Variants in LRP4 observed in about 807,000 individuals in gnomAD.
The protein encoded by LRP4 is LDL receptor related protein 4.
In LRP4, 95 loss-of-function variants were observed where a neutral mutation model predicts 220.3. The ratio of observed to expected loss-of-function variants is 0.43; its 90% CI spans 0.37 to 0.51. LRP4 has a LOEUF of 0.51. LRP4 is among the 20% of genes least tolerant of loss of function. The pLI is 0.00. For missense variants in LRP4, 1,925 were observed against 2,567.0 expected (o/e 0.75, Z 5.40); for synonymous variants, 903 against 954.6 (o/e 0.95, Z 1.00).
intron 31 of LRP4, among the ~76,000 whole-genome samples, chr11:46,870,420 C>A (rs1391154856): frequency 1.3e-5 from 2 of 152,100 alleles, no homozygotes; most frequent in Admixed American, 1.3e-4. Context: ...CTTTCTGTCT[C>A]TCTTTCTCTG....
intron 1 of LRP4, among the ~76,000 whole-genome samples, chr11:46,909,731 TTGAA>T (rs369210630): frequency 1.3e-5 from 2 of 150,132 alleles, no homozygotes; most frequent in African/African-American, 2.5e-5. Context: ...TACAAGTTCG[TTGAA>T]TGAATGAATG....
intron 18 of LRP4, among the ~76,000 whole-genome samples, chr11:46,885,566 G>A (rs1941269474): frequency 6.6e-6 from 1 of 152,140 alleles, no homozygotes; most frequent in Non-Finnish European, 1.5e-5. Flanking sequence ...CAGGTCAGGA[G>A]ATCAAGACCA....
chr11:46,909,359 C>G (rs1361118599), intron 1 of LRP4, among the ~76,000 whole-genome samples: 2 of 149,044 alleles, frequency 1.3e-5, no homozygotes, highest in African/African-American at 5.0e-5. Flanking sequence ...GTAATCCCAG[C>G]ACTTTGGGAG....
chr11:46,915,161 C>T (rs1941928941), intron 1 of LRP4, among the ~76,000 whole-genome samples: 1 of 152,154 alleles, frequency 6.6e-6, no homozygotes. Flanking sequence ...TTCACAAGCC[C>T]AACAGATCAG....
In LRP4 at chr11:46,862,624, C is replaced by G; in HGVS notation, c.5367G>C (p.Gln1789His). 6.2e-7 allele frequency: 1 copy of G among 1,614,138 alleles called. No individual in the cohort carries two copies. The highest frequency in any genetic ancestry group is 1.7e-5 in the Admixed American group (1 of 60,020). Residue 1789 changes from glutamine (Q) to histidine (H), a missense_variant, in exon 37 of 38, where the codon CAG (glutamine) becomes CAC (histidine). By Grantham distance (24) the Gln-to-His change is conservative (BLOSUM62 0). Around this residue, in one of 3 missense-constraint regions of LRP4, gnomAD observed 1,244 missense variants for 1,624.9 expected, o/e 0.77. Coordinates refer to ENST00000378623, the MANE Select transcript of LRP4 (RefSeq NM_002334.4). ...EAIPKPAMYNQLCYKKEGGPD... is the reference protein window; with the variant it reads ...EAIPKPAMYNHLCYKKEGGPD... ...TTTTTACCTCTTTCTTATAGCACAG[C>G]TGGTTGTACATGGCTGGTTTGGGGA...
chr11:46,914,864 A>G (rs1257798291), intron 1 of LRP4, among the ~76,000 whole-genome samples: 1 of 152,078 alleles, frequency 6.6e-6, no homozygotes, highest in Admixed American at 6.6e-5. Flanking sequence ...TTAAAGGGGC[A>G]GCAACATAAA....
At position 46,873,103 on chromosome 11, in the gene LRP4, C is replaced by T. The variant is rs752582587; in HGVS notation, c.4580G>A (p.Arg1527His). 21 of 1,614,088 alleles carry T rather than the reference C, an allele frequency of 1.3e-5. No homozygotes were observed. The highest frequency in any genetic ancestry group is 8.8e-5 in the South Asian group (8 of 91,084). Residue 1527 changes from arginine to histidine, a missense_variant, in exon 30 of 38, where the codon CGC (arginine) becomes CAC (histidine). By Grantham distance (29) the Arg-to-His change is conservative. Around this residue, in one of 3 missense-constraint regions of LRP4, gnomAD observed 1,244 missense variants for 1,624.9 expected, o/e 0.77. Transcript: ENST00000378623. The surrounding 1 kb of genome is among the most constrained non-coding windows in gnomAD (Gnocchi z 4.2). ...CTGTTTGATGCAAGACTCCCACCTG[C>T]GGGTATCATAGTCCAGGGTAAGGCC... The part of the protein sequence containing the change: ...PNGLTLDYDT[R>H]RIYWVDAHLD...
chr11:46,913,628 G>A (rs972026215), intron 1 of LRP4, among the ~76,000 whole-genome samples: 3 of 152,038 alleles, frequency 2.0e-5, no homozygotes, highest in African/African-American at 7.2e-5. Flanking sequence ...TGGGAGGGAG[G>A]GCTTGGAATT....
At chr11:46,911,533 G>A (rs1941858160) in intron 1 of LRP4, among the ~76,000 whole-genome samples, 1 of 149,676 alleles carries the variant, frequency 6.7e-6, no homozygotes, top group Non-Finnish European at 1.5e-5. Flanking sequence ...AGGCTACAGT[G>A]AGCTATGATC....
chr11:46,862,471 C>T lies in LRP4; in HGVS notation c.5385+135G>A, dbSNP rs527841448. On this transcript the variant is annotated intron_variant, in intron 37 of 37. Transcript: ENST00000378623. The stretch of plus-strand genomic sequence containing the variant: ...CCAGAAACCCAAATTACATTCAGTT[C>T]TTCTGTTCACTATAACTTCCAAAAT... The T allele has an allele frequency of 7.7e-5, 72 of 929,728 alleles. No homozygotes were observed. The East Asian group carries it at 1.7e-3, about 21-fold the overall frequency. 57.6% of individuals were successfully genotyped at this position (929,728 alleles called of 1,614,324 possible). A position where few individuals can be genotyped will look rare whatever the true frequency, so the allele number is the denominator to read the frequency against.
At chr11:46,870,344 A>G (rs1940829359) in intron 31 of LRP4, among the ~76,000 whole-genome samples, 1 of 152,172 alleles carries the variant, frequency 6.6e-6, no homozygotes, top group Non-Finnish European at 1.5e-5. Context: ...ATACAGACAG[A>G]GTTGACAATA....
In LRP4 at chr11:46,881,864, A is replaced by G. The variant is rs140813697; in HGVS notation, c.2652T>C (p.Ile884=). 4 of 1,614,176 alleles carry G rather than the reference A, an allele frequency of 2.5e-6. No individual in the cohort carries two copies. Among genetic ancestry groups the G allele is most frequent in the Non-Finnish European group, 1.7e-6 (2 of 1,180,000 alleles). The change falls in exon 20 of 38, where the codon ATT becomes ATC. Residue 884 remains isoleucine (I), a synonymous_variant. Transcript: ENST00000378623. ...CTGAGGCATCCATGCCAGCTCGTTC[A>G]ATCTTGGGGCTCGCACCCCAGTCAG... ...YWTDWGASPK[I]ERAGMDASGR... is the part of the protein sequence containing the mutation.
chr11:46,893,366 C>G lies in LRP4; in HGVS notation c.1541-237G>C, dbSNP rs3763963. On this transcript the variant is annotated intron_variant, in intron 12 of 37. Coordinates refer to ENST00000378623, the MANE Select transcript of LRP4 (RefSeq NM_002334.4). ...AGTAACTGTCCAAGGGCATGCACTT[C>G]CTCCTCACAGTCAACCATACATCAC... Among the ~76,000 whole-genome samples, 55,342 of 152,092 alleles carry G rather than the reference C, an allele frequency of 0.36. 11,598 individuals are homozygous for G. The highest frequency in any genetic ancestry group is 0.46 in the Non-Finnish European group (30,947 of 67,964).
At position 46,868,052 on chromosome 11, in the gene LRP4, G is replaced by A. The variant is rs567312813; in HGVS notation, c.5014C>T (p.Pro1672Ser). 20 of 1,614,150 alleles carry A rather than the reference G, an allele frequency of 1.2e-5. No individual in the cohort carries two copies. In the South Asian group the frequency reaches 2.1e-4, roughly 17 times the overall value. Residue 1672 changes from proline to serine, a missense_variant, in exon 34 of 38, where the codon CCC (proline) becomes TCC (serine). Around this residue, in one of 3 missense-constraint regions of LRP4, gnomAD observed 1,244 missense variants for 1,624.9 expected, o/e 0.77. Transcript: ENST00000378623. ...TACAAGGTGGTAGGTGGTGTGTTGG[G>A]TAGCACTGGGCTCTTTTCACTCATG... ...TGMSEKSPVL[P>S]NTPPTTLYSS...
In LRP4 at chr11:46,859,324, G is replaced by T. The variant is rs1410554595; in HGVS notation, c.5386-9C>A. ...TTATGGTCAGGCCCTCCCTAGGGTG[G>T]AGAGTGGGCAGATATGGTCAGTCAG... On this transcript the variant is annotated splice_polypyrimidine_tract_variant and intron_variant, in intron 37 of 37. Coordinates refer to ENST00000378623, the MANE Select transcript of LRP4 (RefSeq NM_002334.4). 4 of 1,604,156 alleles carry T rather than the reference G, an allele frequency of 2.5e-6. No individual in the cohort carries two copies. Among genetic ancestry groups the T allele is most frequent in the Non-Finnish European group, 3.4e-6 (4 of 1,171,186 alleles).
At chr11:46,913,480 C>A (rs572632328) in intron 1 of LRP4, among the ~76,000 whole-genome samples, 1 of 152,166 alleles carries the variant, frequency 6.6e-6, no homozygotes, top group South Asian at 2.1e-4. Flanking sequence ...GGCTGGAGAC[C>A]CACATCAATT....
Position 46,873,122 on chromosome 11 carries a change from T to A in LRP4, c.4561A>T (p.Thr1521Ser), listed in dbSNP as rs1940913648. The A allele has an allele frequency of 6.2e-7, 1 of 1,614,206 alleles. No individual in the cohort carries two copies. The highest frequency in any genetic ancestry group is 8.5e-7 in the Non-Finnish European group (1 of 1,180,038). Residue 1521 changes from threonine to serine, a missense_variant, in exon 30 of 38, where the codon ACC becomes TCC. This residue lies in a region of LRP4 where 1,244 missense variants were observed against 1,624.9 expected (regional missense o/e 0.77). Coordinates refer to ENST00000378623, the MANE Select transcript of LRP4 (RefSeq NM_002334.4). The surrounding 1 kb of genome is among the most constrained non-coding windows in gnomAD (Gnocchi z 4.2). ...CACCTGCGGGTATCATAGTCCAGGGTAAGGCCATTGGGCCAACCCAGGTCT... is the reference window on the plus strand; with the variant it reads ...CACCTGCGGGTATCATAGTCCAGGGAAAGGCCATTGGGCCAACCCAGGTCT... ...NTDLGWPNGL[T>S]LDYDTRRIYW... is the part of the protein sequence containing the mutation.
rs71042636 is a variant in LRP4, at chr11:46,909,611, CAAAAAAAAAAAAA to C, written c.53-6695_53-6683del. Among the ~76,000 whole-genome samples, 752 of 46,100 alleles carry C rather than the reference CAAAAAAAAAAAAA, an allele frequency of 0.016. 17 individuals are homozygous for C. In the Middle Eastern group the frequency reaches 0.19, roughly 11 times the overall value. 30.2% of individuals were successfully genotyped at this position (46,100 alleles called of 152,430 possible). ...TGGGCGACAGAGCGAGACTCCGTCT[CAAAAAAAAAAAAA>C]AAAAAAAAAAAAAAAAGGAGGAATC... On this transcript the variant is annotated intron_variant, in intron 1 of 37. Transcript: ENST00000378623.
chr11:46,875,348 G>T lies in LRP4; in HGVS notation c.3925+108C>A. The stretch of plus-strand genomic sequence containing the variant: ...TGGAAGGGAGCTTAAACAGGTCACC[G>T]TCTTTCTGGCTGTAAAGGAGCTCTG... On this transcript the variant is annotated intron_variant, in intron 27 of 37. Transcript: ENST00000378623. The surrounding 1 kb of genome is among the most constrained non-coding windows in gnomAD (Gnocchi z 4.5). 9.3e-7 allele frequency: 1 copy of T among 1,074,374 alleles called. No homozygotes were observed. Among genetic ancestry groups the T allele is most frequent in the Non-Finnish European group, 1.4e-6 (1 of 718,288 alleles). 66.6% of individuals were successfully genotyped at this position (1,074,374 alleles called of 1,614,324 possible).
Sources: allele counts gnomAD v4.1 joint callset (sites outside exome capture counted in the v4.1 genomes callset), GRCh38; gene constraint gnomAD v4.1.1; regional missense constraint gnomAD v4.1.1; non-coding constraint Gnocchi (gnomAD v3.1); transcripts MANE v1.5; gene names NCBI Gene and HGNC (gene_info 2026-07-23, HGNC 2026-07-21).